GNG7: variants seen among roughly 807,000 people sequenced by gnomAD.
GNG7 encodes the protein guanine nucleotide-binding protein G(I)/G(S)/G(O) subunit gamma-7.
In GNG7, 1 loss-of-function variant was observed where a neutral mutation model predicts 4.0. That is an observed-to-expected ratio of 0.25 (90% CI 0.09 to 1.18). GNG7 has a LOEUF of 1.18. Ranked by LOEUF, GNG7 falls within the 50% of genes most tolerant of loss-of-function variation. The pLI, the probability that GNG7 is intolerant of heterozygous loss-of-function variation, is 0.50. For missense variants in GNG7, 86 were observed against 91.9 expected (o/e 0.94, Z 0.26); for synonymous variants, 34 against 36.9 (o/e 0.92, Z 0.29).
intron 1 of GNG7, among the ~76,000 whole-genome samples, chr19:2,673,660 C>G (rs1431423648): frequency 6.8e-6 from 1 of 147,458 alleles, no homozygotes; most frequent in Non-Finnish European, 1.5e-5. Context: ...ACCACTGGCA[C>G]TCCAGCCTGG....
chr19:2,688,685 C>T (rs1010134547), intron 1 of GNG7, among the ~76,000 whole-genome samples: 2 of 151,964 alleles, frequency 1.3e-5, no homozygotes, highest in East Asian at 1.9e-4. Context: ...CTAAATGTCA[C>T]GTGGGATTCT....
intron 3 of GNG7, among the ~76,000 whole-genome samples, chr19:2,527,685 T>G (rs1159648320): frequency 1.3e-5 from 2 of 152,148 alleles, no homozygotes; most frequent in Non-Finnish European, 1.5e-5. Flanking sequence ...CCTCTCCCTC[T>G]GGCTGGATCC....
chr19:2,568,120 CAT>C (rs202082441), intron 2 of GNG7, among the ~76,000 whole-genome samples: 2,522 of 151,732 alleles, frequency 0.017, 38 homozygotes, highest in Non-Finnish European at 0.024. Context: ...CACATACACA[CAT>C]ATAGACATAC....
intron 4 of GNG7, 39 bp downstream of exon 4, chr19:2,520,569 G>A: frequency 8.2e-7 from 1 of 1,225,264 alleles, no homozygotes; most frequent in Non-Finnish European, 1.2e-6. Context: ...GGCCCCCAAG[G>A]GTCTCTCCCC....
At chr19:2,648,704 G>A (rs1982731269) in intron 1 of GNG7, among the ~76,000 whole-genome samples, 1 of 152,050 alleles carries the variant, frequency 6.6e-6, no homozygotes, top group African/African-American at 2.4e-5. Context: ...AATCTTGCAG[G>A]ATCTGCTACA....
In GNG7 at chr19:2,606,672, T is replaced by A. The variant is rs899263322; in HGVS notation, c.-78+39552A>T. ...CTCTGTCTCAAAAAAAAATAATTAA[T>A]TAATTAATTAATTAATTAATTTAAA... On this transcript the variant is annotated intron_variant, in intron 2 of 4. Coordinates refer to ENST00000382159, the MANE Select transcript of GNG7 (RefSeq NM_052847.3). Among the ~76,000 whole-genome samples the A allele has an allele frequency of 5.7e-4, 86 of 149,810 alleles. 1 individual carries two copies. The highest frequency in any genetic ancestry group is 3.7e-3 in the Admixed American group (55 of 15,044).
intron 1 of GNG7, among the ~76,000 whole-genome samples, chr19:2,691,965 G>A (rs1913145330): frequency 6.6e-6 from 1 of 152,086 alleles, no homozygotes; most frequent in African/African-American, 2.4e-5. Flanking sequence ...GAGGCCATAA[G>A]CCAAGGACTC....
At chr19:2,588,157 G>C (rs753285389) in intron 2 of GNG7, among the ~76,000 whole-genome samples, 4 of 152,138 alleles carry the variant, frequency 2.6e-5, no homozygotes, top group Non-Finnish European at 4.4e-5. Flanking sequence ...GCAGAAATAC[G>C]GCACTTCACA....
chr19:2,684,468 G>A (rs1240734701), intron 1 of GNG7, among the ~76,000 whole-genome samples: 1 of 151,886 alleles, frequency 6.6e-6, no homozygotes, highest in African/African-American at 2.4e-5. Flanking sequence ...CCCCAAAGTG[G>A]TAGCGACACA....
chr19:2,567,445 C>G (rs1346375657), intron 2 of GNG7, among the ~76,000 whole-genome samples: 1 of 151,738 alleles, frequency 6.6e-6, no homozygotes, highest in East Asian at 1.9e-4. Flanking sequence ...CCTGCCTCAG[C>G]CTCCTGAGCA....
At chr19:2,691,057 T>C (rs1238862803) in intron 1 of GNG7, among the ~76,000 whole-genome samples, 4 of 152,166 alleles carry the variant, frequency 2.6e-5, no homozygotes, top group Non-Finnish European at 5.9e-5. Flanking sequence ...TTATAACGAA[T>C]GTACCACTGT....
intron 1 of GNG7, among the ~76,000 whole-genome samples, chr19:2,694,590 C>T (rs1913201644): frequency 1.3e-5 from 2 of 152,002 alleles, no homozygotes; most frequent in Non-Finnish European, 2.9e-5. Flanking sequence ...CCAGAATAAA[C>T]TCCCAATGGG....
chr19:2,588,722 T>G (rs949147631), intron 2 of GNG7, among the ~76,000 whole-genome samples: 9 of 152,168 alleles, frequency 5.9e-5, no homozygotes, highest in Non-Finnish European at 1.3e-4. Flanking sequence ...GTTGTCCTGG[T>G]TGGAGTGGCT....
chr19:2,589,765 C>T (rs1980785064), intron 2 of GNG7, among the ~76,000 whole-genome samples: 1 of 152,182 alleles, frequency 6.6e-6, no homozygotes, highest in Non-Finnish European at 1.5e-5. Context: ...AAAAATCACA[C>T]TCAGTGAGAG....
Position 2,557,255 on chromosome 19 carries a change from GTGCACACACATT to G in GNG7, c.-77-2079_-77-2068del, listed in dbSNP as rs1979587287. On this transcript the variant is annotated intron_variant, in intron 2 of 4. Transcript: ENST00000382159. The surrounding 1 kb of genome is among the most constrained non-coding windows in gnomAD (Gnocchi z 5.1). ...CACAGACGCACATGTGCACACACAC[GTGCACACACATT>G]TGCACACACAGACACGTGCACACAC... Among the ~76,000 whole-genome samples, 1 of 147,382 alleles carries G rather than the reference GTGCACACACATT, an allele frequency of 6.8e-6. No homozygotes were observed. Among genetic ancestry groups the G allele is most frequent in the East Asian group, 2.0e-4 (1 of 4,984 alleles).
intron 1 of GNG7, among the ~76,000 whole-genome samples, chr19:2,656,029 C>CAAAAAAAA (rs55687607): frequency 0.019 from 1,861 of 97,776 alleles, 24 homozygotes; most frequent in African/African-American, 0.04. Context: ...CGATTCAAAA[C>CAAAAAAAA]AAAAAAAAAA....
chr19:2,541,080 G>A (rs2144747558), intron 3 of GNG7, among the ~76,000 whole-genome samples: 1 of 152,358 alleles, frequency 6.6e-6, no homozygotes, highest in East Asian at 1.9e-4. Flanking sequence ...TTACCGAGCG[G>A]CTCCTGGGCC....
At chr19:2,623,937 G>T (rs1319443685) in intron 2 of GNG7, among the ~76,000 whole-genome samples, 2 of 152,162 alleles carry the variant, frequency 1.3e-5, no homozygotes, top group Non-Finnish European at 2.9e-5. Flanking sequence ...AGAGCCGTCA[G>T]ATTCACAGAG....
rs1000944311 is a variant in GNG7, at chr19:2,546,853, C to A, written c.-38+8296G>T. Among the ~76,000 whole-genome samples the A allele has an allele frequency of 1.3e-5, 2 of 152,164 alleles. No individual in the cohort carries two copies. Among genetic ancestry groups the A allele is most frequent in the African/African-American group, 4.8e-5 (2 of 41,436 alleles). On this transcript the variant is annotated intron_variant, in intron 3 of 4. Coordinates refer to ENST00000382159, the MANE Select transcript of GNG7 (RefSeq NM_052847.3). The surrounding 1 kb of genome is among the most constrained non-coding windows in gnomAD (Gnocchi z 6.3). ...TGTGAGAGTTTGCAAGCCCGGGAAC[C>A]GGGGCCGGGCCAGGACACTGAACCC...
Sources: allele counts gnomAD v4.1 joint callset (sites outside exome capture counted in the v4.1 genomes callset), GRCh38; gene constraint gnomAD v4.1.1; non-coding constraint Gnocchi (gnomAD v3.1); transcripts MANE v1.5; gene names NCBI Gene and HGNC (gene_info 2026-07-23, HGNC 2026-07-21).